B3GALT1: variants seen among roughly 807,000 people sequenced by gnomAD.
B3GALT1 encodes the protein beta-1,3-galactosyltransferase 1, also known as UDP-Gal:betaGlcNAc beta 1,3-galactosyltransferase, polypeptide 1.
Under a neutral mutation model 23.2 loss-of-function variants are expected in B3GALT1, and 10 were observed. The observed-to-expected ratio is 0.43, with a 90% CI of 0.27 to 0.73. B3GALT1 has a LOEUF of 0.73. Ranked by LOEUF, B3GALT1 falls within the 30% of genes least tolerant of loss-of-function variation. B3GALT1 has a pLI of 0.21. For synonymous variants in B3GALT1, 156 were observed against 141.5 expected (o/e 1.10, Z -0.73); for missense variants, 299 against 405.4 (o/e 0.74, Z 2.25).
chr2:167,799,438 A>G (rs1688600389), intron 3 of B3GALT1, among the ~76,000 whole-genome samples: 1 of 152,168 alleles, frequency 6.6e-6, no homozygotes, highest in African/African-American at 2.4e-5. Flanking sequence ...AGAACATTGC[A>G]GTAGGACATT....
intron 1 of B3GALT1, among the ~76,000 whole-genome samples, chr2:167,326,421 C>A (rs7593641): frequency 0.8 from 120,830 of 151,778 alleles, 49,881 homozygotes; most frequent in Non-Finnish European, 0.9. Flanking sequence ...GGCTGTACAG[C>A]AGCTTTTTAA....
intron 3 of B3GALT1, among the ~76,000 whole-genome samples, chr2:167,808,045 A>G (rs1466113739): frequency 1.3e-5 from 2 of 151,902 alleles, no homozygotes; most frequent in Admixed American, 6.6e-5. Flanking sequence ...TGATCCTTTT[A>G]CCATTATGTA....
chr2:167,446,597 G>A (rs980800177), intron 1 of B3GALT1, among the ~76,000 whole-genome samples: 3 of 151,944 alleles, frequency 2.0e-5, no homozygotes, highest in Non-Finnish European at 2.9e-5. Context: ...TTCTCTTCTT[G>A]CTTCATTTCA....
chr2:167,728,632 G>A (rs1224404565), intron 3 of B3GALT1, among the ~76,000 whole-genome samples: 2 of 152,120 alleles, frequency 1.3e-5, no homozygotes, highest in African/African-American at 4.8e-5. Context: ...GGTTTGTTGT[G>A]AAATATTTCC....
intron 3 of B3GALT1, among the ~76,000 whole-genome samples, chr2:167,755,562 C>T (rs923459934): frequency 6.6e-6 from 1 of 150,574 alleles, no homozygotes; most frequent in South Asian, 2.1e-4. Context: ...ACCTCACCCA[C>T]CTAACTGCAG....
chr2:167,699,903 G>C (rs1686851992), intron 3 of B3GALT1, among the ~76,000 whole-genome samples: 1 of 152,022 alleles, frequency 6.6e-6, no homozygotes, highest in Non-Finnish European at 1.5e-5. Context: ...AGTGGAGACG[G>C]GGTTTCACCA....
At chr2:167,554,059 C>A (rs759417996) in intron 2 of B3GALT1, among the ~76,000 whole-genome samples, 1 of 152,148 alleles carries the variant, frequency 6.6e-6, no homozygotes, top group African/African-American at 2.4e-5. Context: ...ACAGAATAAC[C>A]TAGTTAAGAG....
chr2:167,429,216 G>A (rs1042517667), intron 1 of B3GALT1, among the ~76,000 whole-genome samples: 1 of 149,092 alleles, frequency 6.7e-6, no homozygotes, highest in Non-Finnish European at 1.5e-5. Flanking sequence ...AGGAGGCAGA[G>A]CTTGCAGTGA....
chr2:167,353,995 TA>T (rs1697361099), intron 1 of B3GALT1, among the ~76,000 whole-genome samples: 1 of 152,164 alleles, frequency 6.6e-6, no homozygotes, highest in African/African-American at 2.4e-5. Flanking sequence ...TGGATACTAG[TA>T]GCATTTTCTA....
At chr2:167,755,501 A>C (rs1158112927) in intron 3 of B3GALT1, among the ~76,000 whole-genome samples, 1 of 146,074 alleles carries the variant, frequency 6.8e-6, no homozygotes, top group South Asian at 2.2e-4. Flanking sequence ...CCCTCCAATC[A>C]ATGAGGGGTG....
At chr2:167,806,171 T>C (rs1234547580) in intron 3 of B3GALT1, among the ~76,000 whole-genome samples, 1 of 152,208 alleles carries the variant, frequency 6.6e-6, no homozygotes, top group African/African-American at 2.4e-5. Context: ...TTTTTGTACA[T>C]TGATTTTGTA....
intron 1 of B3GALT1, among the ~76,000 whole-genome samples, chr2:167,298,268 A>G (rs2105477835): frequency 6.6e-6 from 1 of 152,246 alleles, no homozygotes; most frequent in Non-Finnish European, 1.5e-5. Flanking sequence ...TTGCCAGTTC[A>G]TTTGAGGTAG....
chr2:167,839,941 T>C (rs1451456464), intron 4 of B3GALT1, among the ~76,000 whole-genome samples: 1 of 152,056 alleles, frequency 6.6e-6, no homozygotes, highest in Admixed American at 6.5e-5. Flanking sequence ...GGATTCCCTA[T>C]TTAATAAATG....
At chr2:167,833,979 A>C (rs889907473) in intron 4 of B3GALT1, among the ~76,000 whole-genome samples, 4 of 152,210 alleles carry the variant, frequency 2.6e-5, no homozygotes, top group South Asian at 2.1e-4. Context: ...TTTTATTAAA[A>C]AAACAAGCTC....
intron 3 of B3GALT1, among the ~76,000 whole-genome samples, chr2:167,717,424 A>T (rs928574630): frequency 2.0e-5 from 3 of 151,964 alleles, no homozygotes; most frequent in African/African-American, 7.2e-5. Context: ...ATATCTCCTA[A>T]TGCTATCCCT....
intron 1 of B3GALT1, among the ~76,000 whole-genome samples, chr2:167,369,061 T>TTGTGTGTGTGTGTGTG (rs60938716): frequency 2.7e-5 from 4 of 147,468 alleles, no homozygotes; most frequent in African/African-American, 5.1e-5. Flanking sequence ...AAACTCTTAT[T>TTGTGTGTGTGTGTGTG]TGTGTGTGTG....
At chr2:167,360,884 G>T (rs1697488531) in intron 1 of B3GALT1, among the ~76,000 whole-genome samples, 1 of 151,756 alleles carries the variant, frequency 6.6e-6, no homozygotes, top group Non-Finnish European at 1.5e-5. Context: ...CCAGCCTCTG[G>T]TAACCATCAT....
intron 1 of B3GALT1, among the ~76,000 whole-genome samples, chr2:167,422,943 G>T (rs759888901): frequency 6.6e-6 from 1 of 152,064 alleles, no homozygotes; most frequent in Non-Finnish European, 1.5e-5. Flanking sequence ...GAGCTGAGGG[G>T]AGCTATAGAA....
At chr2:167,835,872 A>T (rs1255542447) in intron 4 of B3GALT1, among the ~76,000 whole-genome samples, 3 of 152,234 alleles carry the variant, frequency 2.0e-5, no homozygotes, top group African/African-American at 4.8e-5. Context: ...CGGTTCACGA[A>T]AAACCACTGT....
Sources: gnomAD v4.1 joint callset for allele counts (sites outside exome capture counted in the v4.1 genomes callset) on GRCh38, gnomAD v4.1.1 for gene constraint, MANE v1.5 for transcripts, NCBI Gene and HGNC (gene_info 2026-07-23, HGNC 2026-07-21) for gene names.